The following KIAA1328 variants were observed in gnomAD, a reference collection of about 807,000 sequenced individuals.
The protein encoded by KIAA1328 is protein hinderin.
Under a neutral mutation model 68.1 loss-of-function variants are expected in KIAA1328, and 52 were observed. The ratio of observed to expected loss-of-function variants is 0.76; its 90% CI spans 0.61 to 0.96. The LOEUF is 0.96. Among genes scored for constraint, KIAA1328 ranks in the 40% least tolerant of loss-of-function variants. KIAA1328 has a pLI of 0.00. For synonymous variants in KIAA1328, 232 were observed against 239.4 expected (o/e 0.97, Z 0.28); for missense variants, 641 against 677.6 (o/e 0.95, Z 0.60).
chr18:36,953,145 C>T (rs967736553), intron 5 of KIAA1328, among the ~76,000 whole-genome samples: 5 of 150,202 alleles, frequency 3.3e-5, no homozygotes, highest in Non-Finnish European at 5.9e-5. Context: ...TGCCCCCTCT[C>T]GTGTGTGTGT....
chr18:36,887,112 CT>C (rs553425006), intron 5 of KIAA1328, among the ~76,000 whole-genome samples: 2,228 of 134,598 alleles, frequency 0.017, 21 homozygotes, highest in African/African-American at 0.04. Context: ...CCAACTTTCT[CT>C]TTTTTTTTTT....
intron 5 of KIAA1328, among the ~76,000 whole-genome samples, chr18:36,949,966 C>T (rs1423757940): frequency 5.9e-5 from 9 of 152,178 alleles, no homozygotes; most frequent in African/African-American, 1.7e-4. Context: ...TGTGCTCTTG[C>T]ACAGATCACA....
At chr18:37,049,088 A>G (rs1469344101) in intron 6 of KIAA1328, among the ~76,000 whole-genome samples, 2 of 152,220 alleles carry the variant, frequency 1.3e-5, no homozygotes, top group Non-Finnish European at 2.9e-5. Context: ...ACTGGGGATA[A>G]CGCAATGAAT....
intron 7 of KIAA1328, among the ~76,000 whole-genome samples, chr18:37,138,535 A>G (rs1017599945): frequency 2.6e-5 from 4 of 152,184 alleles, no homozygotes; most frequent in African/African-American, 9.7e-5. Context: ...CATTTTTTGA[A>G]GCCAGGAACC....
intron 4 of KIAA1328, among the ~76,000 whole-genome samples, chr18:36,867,044 CAT>C (rs1327898253): frequency 2.6e-5 from 4 of 152,116 alleles, no homozygotes; most frequent in Admixed American, 6.5e-5. Context: ...AAACAAATAA[CAT>C]GTGATATAGT....
At chr18:36,884,550 G>A (rs188449313) in intron 4 of KIAA1328, among the ~76,000 whole-genome samples, 1 of 152,278 alleles carries the variant, frequency 6.6e-6, no homozygotes, top group Non-Finnish European at 1.5e-5. Flanking sequence ...CAGAGGGCAG[G>A]CAAGAGGAAA....
chr18:37,173,607 G>A (rs567932462), intron 9 of KIAA1328, among the ~76,000 whole-genome samples: 1 of 152,298 alleles, frequency 6.6e-6, no homozygotes, highest in South Asian at 2.1e-4. Flanking sequence ...GGCTGAATAT[G>A]TAAACGTCAG....
chr18:37,009,026 AC>A (rs2151482265), intron 6 of KIAA1328, among the ~76,000 whole-genome samples: 1 of 152,336 alleles, frequency 6.6e-6, no homozygotes, highest in South Asian at 2.1e-4. Flanking sequence ...GGAAAAGGCA[AC>A]TTCTGCAAAG....
intron 9 of KIAA1328, among the ~76,000 whole-genome samples, chr18:37,221,366 C>G (rs778371996): frequency 1.3e-5 from 2 of 152,202 alleles, no homozygotes; most frequent in Admixed American, 1.3e-4. Context: ...TAGCCTCTTA[C>G]ACATGAAAAG....
chr18:36,949,595 G>GA (rs2051059161), intron 5 of KIAA1328, among the ~76,000 whole-genome samples: 1 of 38,974 alleles, frequency 2.6e-5, no homozygotes, highest in Non-Finnish European at 4.9e-5. Context: ...TTTCTACCCA[G>GA]CTCCCCCCCC....
chr18:36,969,847 A>G (rs992353701), intron 6 of KIAA1328, among the ~76,000 whole-genome samples: 23 of 152,076 alleles, frequency 1.5e-4, no homozygotes, highest in African/African-American at 5.6e-4. Flanking sequence ...TCCCAGGACT[A>G]GACAGATTCA....
At chr18:36,859,924 CTT>C (rs149471340) in intron 4 of KIAA1328, among the ~76,000 whole-genome samples, 31 of 136,530 alleles carry the variant, frequency 2.3e-4, no homozygotes, top group African/African-American at 6.5e-4. Context: ...TTTTCATTTC[CTT>C]TTTTTTTTAA....
chr18:37,190,559 A>T (rs2059886826), intron 9 of KIAA1328, among the ~76,000 whole-genome samples: 1 of 152,158 alleles, frequency 6.6e-6, no homozygotes, highest in Non-Finnish European at 1.5e-5. Flanking sequence ...TTCCAGAAGC[A>T]CGGACAGCTT....
At chr18:36,938,304 C>T (rs887532322) in intron 5 of KIAA1328, among the ~76,000 whole-genome samples, 7 of 151,964 alleles carry the variant, frequency 4.6e-5, no homozygotes, top group African/African-American at 9.7e-5. Context: ...CTGAGGGGAA[C>T]GAGGCAATAC....
Position 37,223,418 on chromosome 18 carries a change from G to T in KIAA1328, c.*1191G>T. 8.1e-6 allele frequency: 8 copies of T among 985,422 alleles called. No individual in the cohort carries two copies. Among genetic ancestry groups the T allele is most frequent in the Non-Finnish European group, 9.6e-6 (8 of 829,948 alleles). The allele number at this position is 985,422 out of a possible 1,614,324, so 61.0% of individuals were successfully genotyped here. ...CTTGAGATGGGTCCTTCAGCTTGCA[G>T]TGGTCCCTAGTAGCCTCTCAAGCTA... On this transcript the variant is annotated 3_prime_UTR_variant, in exon 10 of 10. Coordinates refer to ENST00000280020, the MANE Select transcript of KIAA1328 (RefSeq NM_020776.3).
chr18:36,978,865 A>G (rs1452744317), intron 6 of KIAA1328, among the ~76,000 whole-genome samples: 1 of 152,156 alleles, frequency 6.6e-6, no homozygotes, highest in African/African-American at 2.4e-5. Flanking sequence ...GTATTGCCTT[A>G]AAAGAACATT....
chr18:36,916,408 C>T (rs72887066), intron 5 of KIAA1328, among the ~76,000 whole-genome samples: 20,729 of 151,822 alleles, frequency 0.14, 1,758 homozygotes, highest in Admixed American at 0.18. Flanking sequence ...TTGAATTTTT[C>T]GATTTAAAAG....
intron 9 of KIAA1328, among the ~76,000 whole-genome samples, chr18:37,181,052 A>G (rs2059690131): frequency 6.6e-6 from 1 of 152,168 alleles, no homozygotes; most frequent in Non-Finnish European, 1.5e-5. Context: ...TTTTTCCAAA[A>G]TCACTTTTTA....
chr18:37,204,031 C>T (rs1452156916), intron 9 of KIAA1328, among the ~76,000 whole-genome samples: 3 of 152,088 alleles, frequency 2.0e-5, no homozygotes, highest in African/African-American at 7.2e-5. Flanking sequence ...AGGATAGTCT[C>T]GATCTCCTGA....
Sources: gnomAD v4.1 joint callset for allele counts (sites outside exome capture counted in the v4.1 genomes callset) on GRCh38, gnomAD v4.1.1 for gene constraint, MANE v1.5 for transcripts, NCBI Gene and HGNC (gene_info 2026-07-23, HGNC 2026-07-21) for gene names.